The following SPPL3 variants were observed in gnomAD, a reference collection of about 807,000 sequenced individuals.
SPPL3 encodes the protein signal peptide peptidase-like 3.
In SPPL3, 5 loss-of-function variants were observed where a neutral mutation model predicts 42.4. That is an observed-to-expected ratio of 0.12 (90% CI 0.06 to 0.25). The LOEUF is 0.25. Ranked by LOEUF, SPPL3 falls within the 10% of genes least tolerant of loss-of-function variation. The pLI is 1.00. For missense variants in SPPL3, 235 were observed against 489.0 expected, an observed-to-expected ratio of 0.48 and a Z score of 4.90; for synonymous variants, 195 against 181.8, an observed-to-expected ratio of 1.07 and a Z score of -0.58.
intron 1 of SPPL3, among the ~76,000 whole-genome samples, chr12:120,876,957 T>G (rs181662983): frequency 6.0e-5 from 9 of 150,938 alleles, no homozygotes; most frequent in Admixed American, 4.0e-4. Flanking sequence ...AAAGATAAAA[T>G]CATCTAGCTA....
At chr12:120,893,548 CTTTA>C (rs1873711207) in intron 1 of SPPL3, among the ~76,000 whole-genome samples, 1 of 152,080 alleles carries the variant, frequency 6.6e-6, no homozygotes, top group African/African-American at 2.4e-5. Context: ...CAGAAGATGC[CTTTA>C]TTTCTTTATG....
At chr12:120,896,563 C>A (rs1873809730) in intron 1 of SPPL3, among the ~76,000 whole-genome samples, 1 of 152,090 alleles carries the variant, frequency 6.6e-6, no homozygotes, top group South Asian at 2.1e-4. Context: ...ATCACAAGGT[C>A]AGGAGTTTGA....
chr12:120,765,258 C>T (rs1383013153), intron 10 of SPPL3, among the ~76,000 whole-genome samples, 188 bp from the exon 11 acceptor site: 1 of 151,490 alleles, frequency 6.6e-6, no homozygotes, highest in Non-Finnish European at 1.5e-5. Flanking sequence ...GGATTACAGG[C>T]ATGAGCTGCT....
At chr12:120,887,621 A>G (rs922576235) in intron 1 of SPPL3, among the ~76,000 whole-genome samples, 3 of 152,372 alleles carry the variant, frequency 2.0e-5, no homozygotes, top group Non-Finnish European at 1.5e-5. Context: ...AAGTAGCCTG[A>G]AGAAAAATCT....
At chr12:120,848,020 A>C (rs1281249205) in intron 1 of SPPL3, among the ~76,000 whole-genome samples, 2 of 152,102 alleles carry the variant, frequency 1.3e-5, no homozygotes, top group African/African-American at 4.8e-5. Flanking sequence ...GTAAAACTTA[A>C]AACAAAATCT....
At chr12:120,770,423 T>G (rs1036562259) in intron 6 of SPPL3, among the ~76,000 whole-genome samples, 1 of 152,178 alleles carries the variant, frequency 6.6e-6, no homozygotes, top group African/African-American at 2.4e-5. Flanking sequence ...ATCCCATATA[T>G]TTCCCATAAA....
chr12:120,849,125 G>A (rs367989940), intron 1 of SPPL3, among the ~76,000 whole-genome samples: 9 of 152,084 alleles, frequency 5.9e-5, no homozygotes, highest in South Asian at 2.1e-4. Context: ...TATAATCAAC[G>A]CCCCTGCATT....
At chr12:120,834,317 T>C (rs1242857321) in intron 1 of SPPL3, among the ~76,000 whole-genome samples, 2 of 152,166 alleles carry the variant, frequency 1.3e-5, no homozygotes, top group African/African-American at 4.8e-5. Context: ...GGTTAACAAA[T>C]GGGCAATGGA....
intron 1 of SPPL3, among the ~76,000 whole-genome samples, chr12:120,838,046 T>C (rs747599381): frequency 1.3e-5 from 2 of 151,978 alleles, no homozygotes; most frequent in Non-Finnish European, 2.9e-5. Flanking sequence ...AAATAAAAAA[T>C]AAATAAAACT....
intron 1 of SPPL3, among the ~76,000 whole-genome samples, chr12:120,825,311 A>G (rs1871204898): frequency 6.6e-6 from 1 of 152,232 alleles, no homozygotes; most frequent in Non-Finnish European, 1.5e-5. Flanking sequence ...AATTATGGCA[A>G]AAGCAGCCCC....
In SPPL3 at chr12:120,904,026, G is replaced by C; in HGVS notation, c.-159C>G. 1 of 535,854 alleles carries C rather than the reference G, an allele frequency of 1.9e-6. No individual in the cohort carries two copies. The highest frequency in any genetic ancestry group is 2.8e-6 in the Non-Finnish European group (1 of 363,322). The allele number at this position is 535,854 out of a possible 1,614,324, so 33.2% of individuals were successfully genotyped here. A position where few individuals can be genotyped will look rare whatever the true frequency, so the allele number is the denominator to read the frequency against. On this transcript the variant is annotated 5_prime_UTR_variant, in exon 1 of 11. Transcript: ENST00000353487. ...ACGGCGGGCCGGGAAGGCGGCTGGCGGGGAGAGGCCGGGCTCCGAAGCGGC... is the reference window on the plus strand; with the variant it reads ...ACGGCGGGCCGGGAAGGCGGCTGGCCGGGAGAGGCCGGGCTCCGAAGCGGC...
At chr12:120,831,402 T>TGGGGTAGAAATG (rs1871421891) in intron 1 of SPPL3, among the ~76,000 whole-genome samples, 1 of 152,228 alleles carries the variant, frequency 6.6e-6, no homozygotes, top group Non-Finnish European at 1.5e-5. Context: ...TTAAGCATGT[T>TGGGGTAGAAATG]TCCTTTTACA....
At chr12:120,849,916 T>C (rs1592994435) in intron 1 of SPPL3, among the ~76,000 whole-genome samples, 1 of 152,118 alleles carries the variant, frequency 6.6e-6, no homozygotes, top group South Asian at 2.1e-4. Context: ...ATTGACAGGA[T>C]GTTGACAAGG....
At chr12:120,768,591 C>T in intron 7 of SPPL3, 103 bp from the exon 8 acceptor site, 1 of 1,295,966 alleles carries the variant, frequency 7.7e-7, no homozygotes, top group Non-Finnish European at 1.1e-6. Flanking sequence ...AATGCTGTGA[C>T]TGCAATGCTT....
At chr12:120,816,511 TTTG>T (rs1466778691) in intron 1 of SPPL3, among the ~76,000 whole-genome samples, 4 of 152,232 alleles carry the variant, frequency 2.6e-5, no homozygotes, top group African/African-American at 9.6e-5. Context: ...TATAAAAGTT[TTTG>T]TTGTTGTTTC....
intron 1 of SPPL3, among the ~76,000 whole-genome samples, chr12:120,828,245 C>T (rs1871287336): frequency 6.6e-6 from 1 of 151,930 alleles, no homozygotes; most frequent in Non-Finnish European, 1.5e-5. Context: ...TAAGAGATCA[C>T]ATGGAAAATT....
chr12:120,827,458 T>A (rs1871264023), intron 1 of SPPL3, among the ~76,000 whole-genome samples: 1 of 152,054 alleles, frequency 6.6e-6, no homozygotes. Flanking sequence ...TCATTTCATC[T>A]TTTCAACTTC....
intron 1 of SPPL3, among the ~76,000 whole-genome samples, chr12:120,870,508 G>C (rs1031426769): frequency 3.3e-5 from 5 of 152,092 alleles, no homozygotes; most frequent in Non-Finnish European, 7.4e-5. Context: ...AGAAAGCAGA[G>C]TCTTGAGAGA....
chr12:120,895,220 G>C (rs982889316), intron 1 of SPPL3, among the ~76,000 whole-genome samples: 2 of 152,126 alleles, frequency 1.3e-5, no homozygotes, highest in Non-Finnish European at 2.9e-5. Flanking sequence ...CTGAGATCAG[G>C]AGTTGGAGAT....
Sources: gnomAD v4.1 joint callset for allele counts (sites outside exome capture counted in the v4.1 genomes callset) on GRCh38, gnomAD v4.1.1 for gene constraint, MANE v1.5 for transcripts, NCBI Gene and HGNC (gene_info 2026-07-23, HGNC 2026-07-21) for gene names.